The following TENM4 variants were observed in gnomAD, a reference collection of about 807,000 sequenced individuals.
TENM4 encodes the protein teneurin transmembrane protein 4.
Under a neutral mutation model 243.3 loss-of-function variants are expected in TENM4, and 82 were observed. The ratio of observed to expected loss-of-function variants is 0.34; its 90% CI spans 0.28 to 0.40. The LOEUF (loss-of-function observed/expected upper bound fraction) is 0.40, where lower values mean the gene tolerates loss of function less well. TENM4 is among the 10% of genes least tolerant of loss of function. The pLI is 1.00. For synonymous variants in TENM4, 1,412 were observed against 1,456.3 expected, an observed-to-expected ratio of 0.97 and a Z score of 0.69; for missense variants, 3,138 against 3,673.3, an observed-to-expected ratio of 0.85 and a Z score of 3.77.
chr11:79,164,298 A>ATATATAGTATATAGATATACTAGTG (rs1565231078), intron 3 of TENM4, among the ~76,000 whole-genome samples: 126 of 126,438 alleles, frequency 1.0e-3, no homozygotes, highest in African/African-American at 4.0e-3. Context: ...ATATACTAGT[A>ATATATAGTATATAGATATACTAGTG]TATATAGTAT....
intron 1 of TENM4, among the ~76,000 whole-genome samples, chr11:79,416,377 C>T (rs535339145): frequency 5.3e-5 from 8 of 152,280 alleles, no homozygotes; most frequent in African/African-American, 1.9e-4. Context: ...CTCACCAACA[C>T]GTGTATGGTC....
rs1306615990 is a variant in TENM4, at chr11:78,657,402, A to T, written c.*656T>A. 2.5e-6 allele frequency: 1 copy of T among 392,280 alleles called. No individual in the cohort carries two copies. Among genetic ancestry groups the T allele is most frequent in the African/African-American group, 2.1e-5 (1 of 48,472 alleles). 24.3% of individuals were successfully genotyped at this position (392,280 alleles called of 1,614,324 possible). On this transcript the variant is annotated 3_prime_UTR_variant, in exon 34 of 34. Coordinates refer to ENST00000278550, the MANE Select transcript of TENM4 (RefSeq NM_001098816.3). ...GGTTTCATTCAGCATCAAAATAGAA[A>T]GCTTGAACAGGAGTTTGGGGCAGCT... is the stretch of plus-strand genomic sequence containing the variant.
intron 4 of TENM4, among the ~76,000 whole-genome samples, chr11:79,126,048 A>T (rs541631958): frequency 6.6e-6 from 1 of 152,356 alleles, no homozygotes; most frequent in East Asian, 1.9e-4. Flanking sequence ...GGGCCCACTA[A>T]GTAGGGAATC....
intron 6 of TENM4, among the ~76,000 whole-genome samples, chr11:79,006,291 A>C (rs1001620123): frequency 6.6e-6 from 1 of 152,140 alleles, no homozygotes; most frequent in Non-Finnish European, 1.5e-5. Context: ...CACCTTACCT[A>C]TTGGGATACC....
chr11:79,022,342 T>G (rs1209522364), intron 6 of TENM4, among the ~76,000 whole-genome samples: 1 of 152,210 alleles, frequency 6.6e-6, no homozygotes, highest in African/African-American at 2.4e-5. Context: ...CGTGACCCTG[T>G]GGTGCCCTTC....
chr11:78,801,699 G>T (rs1000176797), intron 15 of TENM4, among the ~76,000 whole-genome samples: 1 of 152,072 alleles, frequency 6.6e-6, no homozygotes, highest in Non-Finnish European at 1.5e-5. Context: ...TTCCCTCCTA[G>T]GAGGCAGCAG....
At chr11:78,918,812 G>A (rs888881162) in intron 6 of TENM4, among the ~76,000 whole-genome samples, 1 of 152,116 alleles carries the variant, frequency 6.6e-6, no homozygotes. Flanking sequence ...CTTTTACCTG[G>A]CTGCTTCCTT....
chr11:79,144,428 GTAC>G (rs1385250876), intron 4 of TENM4, among the ~76,000 whole-genome samples: 1 of 151,920 alleles, frequency 6.6e-6, no homozygotes, highest in Non-Finnish European at 1.5e-5. Context: ...CTATTACTAG[GTAC>G]ATACCCCAAA....
intron 6 of TENM4, among the ~76,000 whole-genome samples, chr11:79,036,452 C>A (rs191225532): frequency 1.4e-4 from 21 of 152,312 alleles, no homozygotes; most frequent in African/African-American, 5.1e-4. Context: ...GGTGTTCAGG[C>A]ATCTTCTGCA....
In TENM4 at chr11:78,655,260, T is replaced by A. The variant is rs1310408097; in HGVS notation, c.*2798A>T. 6.6e-6 allele frequency: 1 copy of A among 152,158 alleles called. No homozygotes were observed. Among genetic ancestry groups the A allele is most frequent in the Non-Finnish European group, 1.5e-5 (1 of 68,064 alleles). 9.4% of individuals were successfully genotyped at this position (152,158 alleles called of 1,614,324 possible). ...AGCACCAATGTGGCAGTGAGGCGCA[T>A]AACACTGCCTGTGCCACAGCTGAGA... is the stretch of plus-strand genomic sequence containing the variant. On this transcript the variant is annotated 3_prime_UTR_variant, in exon 34 of 34. Coordinates refer to ENST00000278550, the MANE Select transcript of TENM4 (RefSeq NM_001098816.3).
intron 4 of TENM4, among the ~76,000 whole-genome samples, chr11:79,124,893 A>ATGTGTGTGTGTG (rs71050209): frequency 4.5e-5 from 5 of 111,742 alleles, no homozygotes; most frequent in Admixed American, 1.0e-4. Context: ...GTATATGTAT[A>ATGTGTGTGTGTG]TGTGTGTGTG....
chr11:79,050,305 G>A (rs1226640142), intron 6 of TENM4, among the ~76,000 whole-genome samples: 1 of 152,182 alleles, frequency 6.6e-6, no homozygotes, highest in Non-Finnish European at 1.5e-5. Context: ...ACTAGCTCTA[G>A]TGCTGGGGTT....
intron 30 of TENM4, 140 bp from the exon 31 acceptor site, chr11:78,672,469 G>C (rs541556424): frequency 8.9e-5 from 79 of 883,300 alleles, no homozygotes; most frequent in Non-Finnish European, 1.3e-4. Context: ...ACAGACATGG[G>C]TTTGAATCCT....
At chr11:78,712,942 C>T (rs1162456536) in intron 25 of TENM4, among the ~76,000 whole-genome samples, 2 of 152,038 alleles carry the variant, frequency 1.3e-5, no homozygotes, top group African/African-American at 4.8e-5. Context: ...CTTGCAAGAA[C>T]CCCTTGCACT....
chr11:78,864,997 G>C (rs1858932657), intron 9 of TENM4, among the ~76,000 whole-genome samples: 1 of 152,188 alleles, frequency 6.6e-6, no homozygotes, highest in South Asian at 2.1e-4. Flanking sequence ...AAGGCCCATA[G>C]TAATTGTATT....
chr11:79,421,137 G>A (rs1858922775), intron 1 of TENM4, among the ~76,000 whole-genome samples: 1 of 152,122 alleles, frequency 6.6e-6, no homozygotes, highest in African/African-American at 2.4e-5. Context: ...GCATTCGAAA[G>A]CACACTGGTC....
chr11:79,003,529 A>G (rs1441100875), intron 6 of TENM4, among the ~76,000 whole-genome samples: 1 of 152,208 alleles, frequency 6.6e-6, no homozygotes, highest in African/African-American at 2.4e-5. Context: ...TTCAACCAAG[A>G]ATTTCATATC....
At chr11:78,828,998 C>T (rs1857918890) in intron 12 of TENM4, among the ~76,000 whole-genome samples, 1 of 152,234 alleles carries the variant, frequency 6.6e-6, no homozygotes, top group African/African-American at 2.4e-5. Flanking sequence ...TGCTCTCCAC[C>T]CAGTGGGAGG....
At chr11:78,739,443 A>C (rs1043062837) in intron 19 of TENM4, among the ~76,000 whole-genome samples, 10 of 152,088 alleles carry the variant, frequency 6.6e-5, no homozygotes, top group African/African-American at 1.9e-4. Context: ...AGACACCTTG[A>C]TACTCTACCA....
Sources: gnomAD v4.1 joint callset for allele counts (sites outside exome capture counted in the v4.1 genomes callset) on GRCh38, gnomAD v4.1.1 for gene constraint, MANE v1.5 for transcripts, NCBI Gene and HGNC (gene_info 2026-07-23, HGNC 2026-07-21) for gene names.